Variants in TCF12 observed in about 807,000 individuals in gnomAD.
TCF12 encodes DNA-binding protein HTF4.
TCF12 carries 45 observed loss-of-function variants against 86.0 expected under a neutral mutation model. The observed-to-expected ratio is 0.52, with a 90% CI of 0.41 to 0.67. The LOEUF (loss-of-function observed/expected upper bound fraction) is 0.67. Ranked by LOEUF, TCF12 falls within the 30% of genes least tolerant of loss-of-function variation. The pLI, the probability that TCF12 is intolerant of heterozygous loss-of-function variation, is 0.00. For synonymous variants in TCF12, 330 were observed against 299.6 expected (o/e 1.10, Z -1.05); for missense variants, 881 against 859.9 (o/e 1.02, Z -0.31).
chr15:57,174,233 G>A lies in TCF12; in HGVS notation c.390+7767G>A, dbSNP rs374524468. ...AATACTCAAACAACACGTGTGGTTT[G>A]TAGGAGAAGTGAAAGTTTGGTTTAA... On this transcript the variant is annotated intron_variant, in intron 6 of 20. Transcript: ENST00000333725. Among the ~76,000 whole-genome samples the A allele has an allele frequency of 1.2e-3, 180 of 152,312 alleles. 1 individual carries two copies. The highest frequency in any genetic ancestry group is 4.1e-3 in the African/African-American group (171 of 41,566).
At chr15:56,985,060 A>G (rs780380539) in intron 3 of TCF12, among the ~76,000 whole-genome samples, 1 of 152,222 alleles carries the variant, frequency 6.6e-6, no homozygotes, top group Non-Finnish European at 1.5e-5. Context: ...TGGAATGCAC[A>G]TAATTTCTTT....
chr15:57,232,480 T>C, intron 10 of TCF12, 50 bp downstream of exon 10: 3 of 1,534,930 alleles, frequency 2.0e-6, no homozygotes, highest in Non-Finnish European at 2.6e-6. Flanking sequence ...TCCTCACTTG[T>C]GTTTCTTTTT....
intron 5 of TCF12, among the ~76,000 whole-genome samples, chr15:57,116,990 A>G (rs2050882173): frequency 6.6e-6 from 1 of 152,114 alleles, no homozygotes; most frequent in Non-Finnish European, 1.5e-5. Flanking sequence ...CATCAGTGTC[A>G]CTGCTAACCA....
At chr15:57,219,615 T>G (rs1277834360) in intron 8 of TCF12, 2 of 1,607,310 alleles carry the variant, frequency 1.2e-6, no homozygotes. Flanking sequence ...TTGTATAGCT[T>G]CTAACTCACT....
At chr15:57,200,301 G>A (rs1228184807) in intron 8 of TCF12, among the ~76,000 whole-genome samples, 2 of 152,054 alleles carry the variant, frequency 1.3e-5, no homozygotes, top group Admixed American at 1.3e-4. Context: ...GACAAAATAT[G>A]TCCTAAGAAC....
chr15:57,107,002 G>C (rs1273186955), intron 5 of TCF12, among the ~76,000 whole-genome samples: 1 of 152,214 alleles, frequency 6.6e-6, no homozygotes, highest in Admixed American at 6.5e-5. Flanking sequence ...TTGGAAGACA[G>C]TTTGACAGAT....
At chr15:57,180,740 A>G (rs1567578413) in intron 6 of TCF12, among the ~76,000 whole-genome samples, 1 of 151,314 alleles carries the variant, frequency 6.6e-6, no homozygotes, top group South Asian at 2.1e-4. Flanking sequence ...GGTACTCTCC[A>G]TCTAATTTTC....
At chr15:57,274,567 C>T (rs1245970845) in intron 19 of TCF12, among the ~76,000 whole-genome samples, 3 of 152,152 alleles carry the variant, frequency 2.0e-5, no homozygotes, top group Admixed American at 6.5e-5. Flanking sequence ...CTACTGATAC[C>T]TCCTGTCACT....
intron 6 of TCF12, among the ~76,000 whole-genome samples, chr15:57,170,701 ATATAATATATAATATATATAT>A (rs1322560759): frequency 1.6e-4 from 1 of 6,352 alleles, no homozygotes; most frequent in Non-Finnish European, 3.0e-4. Context: ...TATATATTAT[ATATAATATATAATATATATAT>A]TATATATTAT....
At chr15:56,952,784 T>C (rs2061340602) in intron 3 of TCF12, among the ~76,000 whole-genome samples, 2 of 152,182 alleles carry the variant, frequency 1.3e-5, no homozygotes. Context: ...TGGGATAATC[T>C]TCATAAATGG....
chr15:57,197,398 T>C (rs1304515165), intron 7 of TCF12, among the ~76,000 whole-genome samples: 1 of 152,062 alleles, frequency 6.6e-6, no homozygotes, highest in African/African-American at 2.4e-5. Context: ...CCTCAGGTGA[T>C]CCGCCCACCT....
At chr15:57,001,238 T>A (rs1471499646) in intron 3 of TCF12, 1 of 162,166 alleles carries the variant, frequency 6.2e-6, no homozygotes, top group African/African-American at 2.4e-5. Context: ...TGGTCTTGAA[T>A]TCCTGACCTC....
intron 5 of TCF12, among the ~76,000 whole-genome samples, chr15:57,099,868 GTT>G (rs545582921): frequency 6.9e-6 from 1 of 144,856 alleles, no homozygotes; most frequent in Non-Finnish European, 1.5e-5. Context: ...ATATTTCAGA[GTT>G]TTTTTTTTTT....
At chr15:57,088,357 G>C (rs528429849) in intron 4 of TCF12, among the ~76,000 whole-genome samples, 34 of 152,242 alleles carry the variant, frequency 2.2e-4, no homozygotes, top group African/African-American at 8.2e-4. Context: ...TGGTATTTCA[G>C]AAGAAGTTTA....
chr15:57,145,107 A>C (rs1206176930), intron 5 of TCF12, among the ~76,000 whole-genome samples: 1 of 152,250 alleles, frequency 6.6e-6, no homozygotes, highest in African/African-American at 2.4e-5. Flanking sequence ...AAGAACATTT[A>C]AACATCTTAA....
chr15:56,958,489 A>T (rs902166705), intron 3 of TCF12, among the ~76,000 whole-genome samples: 12 of 152,154 alleles, frequency 7.9e-5, no homozygotes, highest in Admixed American at 3.3e-4. Flanking sequence ...TAAATTAGTT[A>T]AAAAAATGCA....
intron 5 of TCF12, among the ~76,000 whole-genome samples, chr15:57,158,184 G>GTTTTTTTTTTTTT (rs374179677): frequency 3.7e-5 from 5 of 134,086 alleles, no homozygotes; most frequent in Non-Finnish European, 4.8e-5. Flanking sequence ...TCAGAAAGTC[G>GTTTTTTTTTTTTT]TTTCTTTTTT....
intron 3 of TCF12, among the ~76,000 whole-genome samples, chr15:57,049,412 T>A (rs1895911530): frequency 6.6e-6 from 1 of 152,222 alleles, no homozygotes; most frequent in African/African-American, 2.4e-5. Flanking sequence ...TTGTTTTGAT[T>A]TCTGTCACCA....
At chr15:57,174,955 G>C (rs1173035007) in intron 6 of TCF12, among the ~76,000 whole-genome samples, 3 of 151,990 alleles carry the variant, frequency 2.0e-5, no homozygotes, top group Non-Finnish European at 4.4e-5. Context: ...TGTCTCTTTA[G>C]GGGAAGAAAA....
Sources: allele counts gnomAD v4.1 joint callset (sites outside exome capture counted in the v4.1 genomes callset), GRCh38; gene constraint gnomAD v4.1.1; transcripts MANE v1.5; gene names NCBI Gene and HGNC (gene_info 2026-07-23, HGNC 2026-07-21).